UNC5C: variants seen among roughly 807,000 people sequenced by gnomAD.
UNC5C encodes the protein unc-5 netrin receptor C.
A neutral mutation model predicts 99.8 loss-of-function variants in UNC5C; 47 were observed. That is an observed-to-expected ratio of 0.47 (90% CI 0.37 to 0.60). The LOEUF (loss-of-function observed/expected upper bound fraction) is 0.60. UNC5C is among the 20% of genes least tolerant of loss of function. The probability of loss-of-function intolerance (pLI) is 0.00; values close to 1 mark genes in which losing one functional copy is unlikely to be tolerated. For synonymous variants in UNC5C, 487 were observed against 452.2 expected (o/e 1.08, Z -0.98); for missense variants, 1,062 against 1,165.9 (o/e 0.91, Z 1.30).
At chr4:95,421,750 A>G (rs1746326438) in intron 1 of UNC5C, among the ~76,000 whole-genome samples, 1 of 152,100 alleles carries the variant, frequency 6.6e-6, no homozygotes, top group African/African-American at 2.4e-5. Context: ...CCCTCAAAGT[A>G]ACACTCTTCT....
At chr4:95,169,427 C>T in intron 15 of UNC5C, 28 bp from the exon 16 acceptor site, 1 of 1,610,176 alleles carries the variant, frequency 6.2e-7, no homozygotes, top group Non-Finnish European at 8.5e-7. Context: ...AAAATGTGCT[C>T]AACAGTGTGA....
intron 7 of UNC5C, among the ~76,000 whole-genome samples, chr4:95,230,624 G>C (rs1738878670): frequency 6.6e-6 from 1 of 151,934 alleles, no homozygotes; most frequent in South Asian, 2.1e-4. Flanking sequence ...TTTGTATAAG[G>C]TGTAAGGAAG....
intron 1 of UNC5C, among the ~76,000 whole-genome samples, chr4:95,450,633 T>A (rs767831032): frequency 6.6e-5 from 10 of 152,220 alleles, no homozygotes; most frequent in Non-Finnish European, 1.2e-4. Flanking sequence ...TTCTTCATTA[T>A]CTATTATTAG....
intron 7 of UNC5C, among the ~76,000 whole-genome samples, chr4:95,222,487 G>A (rs1264604109): frequency 6.6e-6 from 1 of 152,098 alleles, no homozygotes; most frequent in African/African-American, 2.4e-5. Flanking sequence ...GCAAAAACTG[G>A]TCTCGAGTCA....
At chr4:95,499,750 GC>G (rs1191720587) in intron 1 of UNC5C, among the ~76,000 whole-genome samples, 3 of 152,062 alleles carry the variant, frequency 2.0e-5, no homozygotes, top group African/African-American at 7.2e-5. Flanking sequence ...ATCTGCCAAA[GC>G]TATTAAGGTA....
intron 4 of UNC5C, among the ~76,000 whole-genome samples, chr4:95,274,688 G>A (rs1171772229): frequency 6.6e-6 from 1 of 152,114 alleles, no homozygotes; most frequent in Non-Finnish European, 1.5e-5. Flanking sequence ...CTGGTCTAGT[G>A]TCCTGAGTTG....
At chr4:95,363,435 C>G (rs1231940107) in intron 1 of UNC5C, among the ~76,000 whole-genome samples, 1 of 152,098 alleles carries the variant, frequency 6.6e-6, no homozygotes, top group Non-Finnish European at 1.5e-5. Flanking sequence ...ACTCAGAGAT[C>G]GTTTACAACA....
At chr4:95,464,049 C>T (rs1409628914) in intron 1 of UNC5C, among the ~76,000 whole-genome samples, 1 of 152,100 alleles carries the variant, frequency 6.6e-6, no homozygotes, top group Non-Finnish European at 1.5e-5. Context: ...TTTGCGTAAG[C>T]TGAAAGAATG....
chr4:95,231,605 A>G (rs1327919520), intron 7 of UNC5C, among the ~76,000 whole-genome samples: 1 of 152,158 alleles, frequency 6.6e-6, no homozygotes, highest in Non-Finnish European at 1.5e-5. Context: ...CTAAGCCAAA[A>G]CATGGGCAAT....
intron 12 of UNC5C, among the ~76,000 whole-genome samples, chr4:95,201,914 A>G (rs1218359397): frequency 1.3e-5 from 2 of 151,974 alleles, no homozygotes; most frequent in African/African-American, 2.4e-5. Flanking sequence ...GAGGGTCTTT[A>G]TTTATTGTTT....
intron 7 of UNC5C, among the ~76,000 whole-genome samples, chr4:95,236,599 A>G (rs905563751): frequency 7.7e-6 from 1 of 130,468 alleles, no homozygotes; most frequent in Non-Finnish European, 1.7e-5. Flanking sequence ...AAATAAATAA[A>G]TAAAAGAAAA....
rs74897241 is a variant in UNC5C at position 95,249,083 on chromosome 4, C to T, written c.775+1404G>A. ...AATGCTTACCATTTTGTTACAGTTT[C>T]CTACAGTATTCTGTACAGTAACACA... On this transcript the variant is annotated intron_variant, in intron 5 of 15. Coordinates refer to ENST00000453304, the MANE Select transcript of UNC5C (RefSeq NM_003728.4). Among the ~76,000 whole-genome samples, 584 of 152,226 alleles carry T rather than the reference C, an allele frequency of 3.8e-3. 1 individual carries two copies. The highest frequency in any genetic ancestry group is 0.014 in the African/African-American group (567 of 41,526).
intron 1 of UNC5C, among the ~76,000 whole-genome samples, chr4:95,449,395 G>A (rs1416945478): frequency 1.3e-5 from 2 of 152,134 alleles, no homozygotes; most frequent in Admixed American, 6.5e-5. Context: ...TTTTTAATAT[G>A]AGATTCATCA....
At chr4:95,201,991 G>A (rs1027673813) in intron 12 of UNC5C, among the ~76,000 whole-genome samples, 1 of 151,922 alleles carries the variant, frequency 6.6e-6, no homozygotes, top group East Asian at 1.9e-4. Context: ...TACTATTGCT[G>A]GTCAAAACCC....
At position 95,245,028 on chromosome 4, in the gene UNC5C, A is replaced by G. The variant is rs1175748210; in HGVS notation, c.892T>C (p.Phe298Leu). Residue 298 changes from phenylalanine (F) to leucine (L), a missense_variant, in exon 6 of 16, where the codon TTC (phenylalanine) becomes CTC (leucine). Phe to Leu is a conservative substitution (Grantham distance 22). This residue lies in a region of UNC5C where 810 missense variants were observed against 854.5 expected (regional missense o/e 0.95). Transcript: ENST00000453304. ...TTCTGCACACTCTGCCCTTCACAGA[A>G]GGCACCCCCATTGAGTGGTGCCGGG... is the stretch of plus-strand genomic sequence containing the variant. Reference protein sequence around the residue: ...TNPAPLNGGAFCEGQSVQKIA... With the variant: ...TNPAPLNGGALCEGQSVQKIA... 5 of 1,613,836 alleles carry G rather than the reference A, an allele frequency of 3.1e-6. 1 individual carries two copies. In the Admixed American group the frequency reaches 8.3e-5, roughly 27 times the overall value.
At chr4:95,221,437 A>G (rs1035726496) in intron 7 of UNC5C, among the ~76,000 whole-genome samples, 1 of 152,206 alleles carries the variant, frequency 6.6e-6, no homozygotes, top group Admixed American at 6.5e-5. Flanking sequence ...CATGGTTTAC[A>G]TGGTGAAATA....
chr4:95,321,405 G>A (rs570614638), intron 2 of UNC5C, among the ~76,000 whole-genome samples: 70 of 152,204 alleles, frequency 4.6e-4, no homozygotes, highest in African/African-American at 1.6e-3. Context: ...ACGTTTATAC[G>A]CAGAAGGTGA....
At chr4:95,548,258 T>G (rs938696495) in intron 1 of UNC5C, among the ~76,000 whole-genome samples, 1 of 152,090 alleles carries the variant, frequency 6.6e-6, no homozygotes, top group African/African-American at 2.4e-5. Context: ...CGGGGTCTAG[T>G]GTGCTCAGAG....
At chr4:95,230,930 A>G (rs1553955753) in intron 7 of UNC5C, among the ~76,000 whole-genome samples, 1 of 151,864 alleles carries the variant, frequency 6.6e-6, no homozygotes, top group Non-Finnish European at 1.5e-5. Flanking sequence ...TTTTTTTTCT[A>G]CCTTTTGAGT....
Sources: allele counts gnomAD v4.1 joint callset (sites outside exome capture counted in the v4.1 genomes callset), GRCh38; gene constraint gnomAD v4.1.1; regional missense constraint gnomAD v4.1.1; transcripts MANE v1.5; gene names NCBI Gene and HGNC (gene_info 2026-07-23, HGNC 2026-07-21).